NRXN1: variants seen among roughly 807,000 people sequenced by gnomAD.
NRXN1 encodes neurexin-1.
Under a neutral mutation model 150.9 loss-of-function variants are expected in NRXN1, and 39 were observed. That is an observed-to-expected ratio of 0.26 (90% confidence interval 0.20 to 0.34). The LOEUF (loss-of-function observed/expected upper bound fraction) is 0.34, where lower values mean the gene tolerates loss of function less well. NRXN1 is among the 10% of genes least tolerant of loss of function. NRXN1 has a pLI of 1.00. For missense variants in NRXN1, 1,815 were observed against 1,949.9 expected (o/e 0.93, Z 1.30); for synonymous variants, 924 against 757.0 (o/e 1.22, Z -3.62).
In NRXN1 at chr2:50,963,417, C is replaced by G. The variant is rs183141671; in HGVS notation, c.773-37462G>C. On this transcript the variant is annotated intron_variant, in intron 2 of 22. Transcript: ENST00000401669. ...CATTCTATACTGGTCAAATGGACAA[C>G]GAGGAAAACTATATGTAGCAGTTTC... is the stretch of plus-strand genomic sequence containing the variant. Among the ~76,000 whole-genome samples the G allele has an allele frequency of 4.0e-5, 6 of 151,710 alleles. No individual in the cohort carries two copies. The East Asian group carries it at 9.7e-4, about 24-fold the overall frequency.
At chr2:50,400,702 AT>A (rs1412774192) in intron 17 of NRXN1, among the ~76,000 whole-genome samples, 2 of 152,206 alleles carry the variant, frequency 1.3e-5, no homozygotes, top group East Asian at 3.9e-4. Flanking sequence ...CTGTAAACTT[AT>A]CAAGAAAGTA....
intron 2 of NRXN1, among the ~76,000 whole-genome samples, chr2:50,999,470 T>A (rs1038167122): frequency 6.6e-6 from 1 of 152,004 alleles, no homozygotes; most frequent in Non-Finnish European, 1.5e-5. Context: ...ACATCTTCTA[T>A]GTGACAAGCA....
chr2:50,625,027 T>C (rs1369541465), intron 5 of NRXN1: 1 of 151,980 alleles, frequency 6.6e-6, no homozygotes, highest in African/African-American at 2.4e-5. Flanking sequence ...ACTATAAACA[T>C]ATAATTATAA....
chr2:50,309,993 A>G (rs1482292786), intron 17 of NRXN1, among the ~76,000 whole-genome samples: 1 of 152,218 alleles, frequency 6.6e-6, no homozygotes, highest in Non-Finnish European at 1.5e-5. Flanking sequence ...TCTAAATAAA[A>G]GAAAGCTTGC....
intron 21 of NRXN1, among the ~76,000 whole-genome samples, chr2:49,949,929 T>G (rs1673625515): frequency 6.6e-6 from 1 of 151,784 alleles, no homozygotes; most frequent in Admixed American, 6.6e-5. Context: ...TCAAGTGTGG[T>G]TTTCATGAAT....
chr2:50,760,097 C>T (rs1701629583), intron 5 of NRXN1, among the ~76,000 whole-genome samples: 2 of 151,856 alleles, frequency 1.3e-5, no homozygotes, highest in Admixed American at 6.6e-5. Context: ...AATCTCGCTG[C>T]ACACAGCCTG....
At chr2:50,714,148 G>T (rs1695557495) in intron 5 of NRXN1, among the ~76,000 whole-genome samples, 1 of 152,108 alleles carries the variant, frequency 6.6e-6, no homozygotes, top group South Asian at 2.1e-4. Context: ...CCACATCCCT[G>T]CCCATTACCA....
In NRXN1 at chr2:50,508,167, G is replaced by A. The variant is rs973611318; in HGVS notation, c.2375-1550C>T. ...TAATAATTCAAGTGTTGTATCCTTG[G>A]CTGGTGTATCTCAGGTTAGAAATGA... On this transcript the variant is annotated intron_variant, in intron 12 of 22. Coordinates refer to ENST00000401669, the MANE Select transcript of NRXN1 (RefSeq NM_001330078.2). 8.5e-5 allele frequency among the ~76,000 whole-genome samples: 13 copies of A among 152,062 alleles called. 1 individual carries two copies. Among genetic ancestry groups the A allele is most frequent in the African/African-American group, 3.1e-4 (13 of 41,394 alleles).
chr2:50,579,349 C>T lies in NRXN1; in HGVS notation c.1321-26324G>A, dbSNP rs187441116. ...GACTCCTAAGGAGACAAAAAAGCCA[C>T]AAAGAACCCTAATCTAATTTAGAGT... On this transcript the variant is annotated intron_variant, in intron 8 of 22. Coordinates refer to ENST00000401669, the MANE Select transcript of NRXN1 (RefSeq NM_001330078.2). 5.0e-4 allele frequency among the ~76,000 whole-genome samples: 76 copies of T among 152,292 alleles called. 1 individual carries two copies. Among genetic ancestry groups the T allele is most frequent in the Middle Eastern group, 3.4e-3 (1 of 294 alleles).
intron 18 of NRXN1, among the ~76,000 whole-genome samples, chr2:50,170,152 C>T (rs2059939958): frequency 1.3e-5 from 2 of 152,110 alleles, no homozygotes; most frequent in African/African-American, 2.4e-5. Context: ...CACACACACA[C>T]ACACACACAC....
intron 5 of NRXN1, among the ~76,000 whole-genome samples, chr2:50,656,884 C>A (rs1001525605): frequency 2.0e-5 from 3 of 152,024 alleles, no homozygotes; most frequent in Non-Finnish European, 4.4e-5. Context: ...CCAAGAATAT[C>A]TGCAGTTTTG....
intron 5 of NRXN1, among the ~76,000 whole-genome samples, chr2:50,900,922 T>C (rs1682848890): frequency 6.6e-6 from 1 of 152,180 alleles, no homozygotes; most frequent in African/African-American, 2.4e-5. Context: ...CATATTGAAT[T>C]ACCTCTTCAA....
At chr2:50,923,879 T>A (rs377161848) in intron 3 of NRXN1, among the ~76,000 whole-genome samples, 58 of 151,932 alleles carry the variant, frequency 3.8e-4, no homozygotes, top group African/African-American at 1.4e-3. Context: ...CTAGATATAA[T>A]TACAAATAAT....
intron 21 of NRXN1, among the ~76,000 whole-genome samples, chr2:49,963,252 T>C (rs1573080049): frequency 6.6e-6 from 1 of 152,162 alleles, no homozygotes; most frequent in African/African-American, 2.4e-5. Flanking sequence ...CGAAAAATAA[T>C]GGCTGGTGAC....
At chr2:50,508,414 G>GAA (rs59406629) in intron 12 of NRXN1, among the ~76,000 whole-genome samples, 301 of 148,038 alleles carry the variant, frequency 2.0e-3, no homozygotes, top group Middle Eastern at 7.0e-3. Flanking sequence ...GTTCCAGGAT[G>GAA]AAAAAAAAAA....
At chr2:50,176,103 A>G (rs2060338565) in intron 18 of NRXN1, among the ~76,000 whole-genome samples, 1 of 152,094 alleles carries the variant, frequency 6.6e-6, no homozygotes, top group Admixed American at 6.6e-5. Context: ...ATTAGCACTG[A>G]CCTAGTTAAG....
intron 17 of NRXN1, among the ~76,000 whole-genome samples, chr2:50,249,818 A>G (rs2066873779): frequency 1.3e-5 from 2 of 151,932 alleles, no homozygotes; most frequent in South Asian, 4.1e-4. Flanking sequence ...TTATATTTTT[A>G]GTAGAGATGG....
intron 18 of NRXN1, among the ~76,000 whole-genome samples, chr2:50,186,285 G>C (rs540124811): frequency 9.2e-5 from 14 of 152,070 alleles, no homozygotes; most frequent in Middle Eastern, 6.8e-3. Context: ...TTACCAAATT[G>C]GTAAATAAAT....
In NRXN1 at chr2:50,393,859, A is replaced by G. The variant is rs115068067; in HGVS notation, c.3364+71583T>C. Among the ~76,000 whole-genome samples, 1,109 of 152,150 alleles carry G rather than the reference A, an allele frequency of 7.3e-3. 20 individuals carry two copies. Among genetic ancestry groups the G allele is most frequent in the African/African-American group, 0.025 (1,052 of 41,524 alleles). On this transcript the variant is annotated intron_variant, in intron 17 of 22. Transcript: ENST00000401669. The stretch of plus-strand genomic sequence containing the variant: ...GAGAAAAATCACAGGCAGCAAATAA[A>G]CCCAAGACATTTTCAAATCAACAGG...
Sources: allele counts gnomAD v4.1 joint callset (sites outside exome capture counted in the v4.1 genomes callset), GRCh38; gene constraint gnomAD v4.1.1; transcripts MANE v1.5; gene names NCBI Gene and HGNC (gene_info 2026-07-23, HGNC 2026-07-21).